Variants in GPATCH8 observed in about 807,000 individuals in gnomAD.
GPATCH8 encodes the protein G patch domain-containing protein 8.
GPATCH8 carries 18 observed loss-of-function variants against 118.3 expected under a neutral mutation model. The ratio of observed to expected loss-of-function variants is 0.15; its 90% CI spans 0.11 to 0.23. The LOEUF is 0.23. GPATCH8 is among the 10% of genes least tolerant of loss of function. GPATCH8 has a pLI of 1.00. For missense variants in GPATCH8, 1,631 were observed against 1,873.8 expected, an observed-to-expected ratio of 0.87 and a Z score of 2.39; for synonymous variants, 659 against 684.7, an observed-to-expected ratio of 0.96 and a Z score of 0.59.
chr17:44,496,159 C>T (rs115361184), intron 1 of GPATCH8, among the ~76,000 whole-genome samples: 1,655 of 152,280 alleles, frequency 0.011, 27 homozygotes, highest in African/African-American at 0.038. Context: ...CGTGAGCCAC[C>T]GCGCCCAGCC....
At chr17:44,495,513 A>T (rs1969599742) in intron 1 of GPATCH8, among the ~76,000 whole-genome samples, 1 of 152,182 alleles carries the variant, frequency 6.6e-6, no homozygotes, top group Non-Finnish European at 1.5e-5. Context: ...TATCTCTCCA[A>T]CTAAAATGAA....
At chr17:44,491,752 G>A (rs1314459944) in intron 1 of GPATCH8, among the ~76,000 whole-genome samples, 2 of 152,020 alleles carry the variant, frequency 1.3e-5, no homozygotes, top group Admixed American at 6.6e-5. Flanking sequence ...TACTCGGGAG[G>A]CTGCAATGGG....
intron 6 of GPATCH8, among the ~76,000 whole-genome samples, chr17:44,412,048 G>A (rs1397952925): frequency 2.0e-5 from 3 of 152,080 alleles, no homozygotes; most frequent in Non-Finnish European, 2.9e-5. Context: ...TCAGCCTCCC[G>A]AGTAGCTGGG....
chr17:44,457,509 A>C (rs2051379465), intron 3 of GPATCH8, among the ~76,000 whole-genome samples: 2 of 152,232 alleles, frequency 1.3e-5, no homozygotes, highest in Non-Finnish European at 2.9e-5. Context: ...ACTTTGAAAA[A>C]GCTGCTTCAG....
chr17:44,471,174 C>A (rs536227201), intron 2 of GPATCH8, among the ~76,000 whole-genome samples: 40 of 152,178 alleles, frequency 2.6e-4, no homozygotes, highest in Admixed American at 2.2e-3. Flanking sequence ...TTGGTTGAAG[C>A]AAATAAGGGA....
intron 6 of GPATCH8, among the ~76,000 whole-genome samples, chr17:44,415,652 A>C (rs4792941): frequency 0.5 from 75,897 of 152,000 alleles, 20,650 homozygotes; most frequent in Middle Eastern, 0.62. Flanking sequence ...GCACAACAAC[A>C]ACCCAGTTCA....
chr17:44,401,483 A>C (rs1185147660), intron 7 of GPATCH8, 30 bp from the exon 8 acceptor site: 1 of 1,423,250 alleles, frequency 7.0e-7, no homozygotes, highest in East Asian at 2.3e-5. Context: ...AATAAAAAAC[A>C]AAAAGCAGGT....
rs1156421532 is a variant in GPATCH8 at position 44,397,370 on chromosome 17, C to T, written c.*198G>A. The T allele has an allele frequency of 2.9e-6, 2 of 692,388 alleles. No homozygotes were observed. Among genetic ancestry groups the T allele is most frequent in the African/African-American group, 1.8e-5 (1 of 56,968 alleles). 42.9% of individuals were successfully genotyped at this position (692,388 alleles called of 1,614,324 possible). On this transcript the variant is annotated 3_prime_UTR_variant, in exon 8 of 8. Transcript: ENST00000591680. ...AGGGAGGGACAAATTGAGAGGAGGA[C>T]AGGAAAAAGAAATCCCTGATAGTAA...
rs1357008164 is a variant in GPATCH8, at chr17:44,503,365, C to T, written c.6G>A (p.Ala2=). 1 of 1,609,370 alleles carries T rather than the reference C, an allele frequency of 6.2e-7. No homozygotes were observed. Residue 2 remains alanine, a synonymous_variant, in exon 1 of 8, where the codon GCG becomes GCA. Transcript: ENST00000591680. ...CTTCGTTGAAGCGGGAGAAGCGGTC[C>T]GCCATTTTGCCGCCTTCACTCCTCT... M[A]DRFSRFNEDR...
chr17:44,479,439 A>G lies in GPATCH8; in HGVS notation c.46-4536T>C, dbSNP rs539779215. ...GGATTAATAATATAGACAGTTCAAC[A>G]GAGAAATTTTAATGTTTTCAATTAA... On this transcript the variant is annotated intron_variant, in intron 1 of 7. Coordinates refer to ENST00000591680, the MANE Select transcript of GPATCH8 (RefSeq NM_001002909.4). 3.1e-3 allele frequency among the ~76,000 whole-genome samples: 473 copies of G among 152,328 alleles called. 4 individuals are homozygous for G. Among genetic ancestry groups the G allele is most frequent in the Middle Eastern group, 6.8e-3 (2 of 294 alleles).
chr17:44,453,062 A>C (rs1359004562), intron 3 of GPATCH8, among the ~76,000 whole-genome samples: 2 of 152,150 alleles, frequency 1.3e-5, no homozygotes, highest in Admixed American at 6.5e-5. Flanking sequence ...CGAACTCCTG[A>C]GCTCAAGCAT....
chr17:44,455,429 G>GA (rs2051292051), intron 3 of GPATCH8, among the ~76,000 whole-genome samples: 1 of 151,896 alleles, frequency 6.6e-6, no homozygotes, highest in African/African-American at 2.4e-5. Flanking sequence ...TGAACCAGGA[G>GA]GTAGAGGTTG....
In GPATCH8 at chr17:44,398,041, A is replaced by C; in HGVS notation, c.4036T>G (p.Ser1346Ala). 1 of 1,613,894 alleles carries C rather than the reference A, an allele frequency of 6.2e-7. No individual in the cohort carries two copies. ...GGTGTGGCTGGGGCCAGGGCAGCTG[A>C]GGCTGGAAAGGCCTTTACTTGCTTG... is the stretch of plus-strand genomic sequence containing the variant. ...LAKQVKAFPA[S>A]AALAPATPAL... The change falls in exon 8 of 8, where the codon TCA (serine) becomes GCA (alanine). Residue 1346 changes from serine to alanine, a missense_variant. Physicochemically the swap from Ser to Ala is moderately conservative, Grantham distance 99. This residue lies in a region of GPATCH8 where 111 missense variants were observed against 112.4 expected (regional missense o/e 0.99). Transcript: ENST00000591680.
intron 5 of GPATCH8, among the ~76,000 whole-genome samples, chr17:44,428,750 C>T (rs758002300): frequency 6.6e-6 from 1 of 151,964 alleles, no homozygotes; most frequent in Non-Finnish European, 1.5e-5. Context: ...CTGCAGTAAG[C>T]TGTGATCACT....
Position 44,398,294 on chromosome 17 carries a change from C to A in GPATCH8, c.3783G>T (p.Gln1261His). Residue 1261 changes from glutamine to histidine, a missense_variant, in exon 8 of 8, where the codon CAG (glutamine) becomes CAT (histidine). Transcript: ENST00000591680. ...DTLESLDSSS[Q>H]PGPVESSLLP... ...GCAAGCTGGACTCCACAGGGCCTGG[C>A]TGACTGCTGCTATCCAGGGACTCCA... 1 of 1,613,836 alleles carries A rather than the reference C, an allele frequency of 6.2e-7. No individual in the cohort carries two copies. The highest frequency in any genetic ancestry group is 8.5e-7 in the Non-Finnish European group (1 of 1,179,882).
intron 5 of GPATCH8, among the ~76,000 whole-genome samples, chr17:44,434,452 C>G (rs576214996): frequency 1.2e-4 from 18 of 152,092 alleles, no homozygotes; most frequent in African/African-American, 4.1e-4. Context: ...GCCTGAAATC[C>G]CAGCAAACTG....
intron 3 of GPATCH8, among the ~76,000 whole-genome samples, chr17:44,463,974 A>G (rs2051662160): frequency 1.3e-5 from 2 of 152,124 alleles, no homozygotes; most frequent in African/African-American, 4.8e-5. Context: ...TGTTTCATGG[A>G]GGTTAATTTT....
intron 6 of GPATCH8, among the ~76,000 whole-genome samples, chr17:44,421,172 CT>C (rs1243720832): frequency 6.6e-6 from 1 of 151,626 alleles, no homozygotes; most frequent in Non-Finnish European, 1.5e-5. Context: ...CTAGTTAAAA[CT>C]TTTTTTTCTT....
chr17:44,472,686 G>C (rs1186570799), intron 2 of GPATCH8, among the ~76,000 whole-genome samples: 1 of 151,580 alleles, frequency 6.6e-6, no homozygotes, highest in Non-Finnish European at 1.5e-5. Context: ...GGTTTTTTTT[G>C]TTTTTGTTTT....
Sources: gnomAD v4.1 joint callset for allele counts (sites outside exome capture counted in the v4.1 genomes callset) on GRCh38, gnomAD v4.1.1 for gene constraint, gnomAD v4.1.1 regional missense constraint, MANE v1.5 for transcripts, NCBI Gene and HGNC (gene_info 2026-07-23, HGNC 2026-07-21) for gene names.